Variants in GALNT17 observed in about 807,000 individuals in gnomAD.
GALNT17 encodes the protein UDP-GalNAc:polypeptide N-acetylgalactosaminyltransferase-like 3.
GALNT17 carries 29 observed loss-of-function variants against 63.7 expected under a neutral mutation model. The ratio of observed to expected loss-of-function variants is 0.46; its 90% confidence interval spans 0.34 to 0.62. GALNT17 has a LOEUF of 0.62. Among genes scored for constraint, GALNT17 ranks in the 20% least tolerant of loss-of-function variants. The probability of loss-of-function intolerance (pLI) is 0.01; values close to 1 mark genes in which losing one functional copy is unlikely to be tolerated. For synonymous variants in GALNT17, 305 were observed against 318.3 expected (o/e 0.96, Z 0.45); for missense variants, 603 against 799.6 (o/e 0.75, Z 2.97).
intron 6 of GALNT17, among the ~76,000 whole-genome samples, chr7:71,577,909 G>A (rs943789621): frequency 1.3e-5 from 2 of 152,058 alleles, no homozygotes; most frequent in Non-Finnish European, 2.9e-5. Context: ...GACCTGGGGG[G>A]TGGTTCGCAG....
chr7:71,146,508 G>A (rs552384819), intron 1 of GALNT17, among the ~76,000 whole-genome samples: 4 of 152,262 alleles, frequency 2.6e-5, no homozygotes, highest in South Asian at 2.1e-4. Flanking sequence ...ATTATCTCCC[G>A]CTTAGCAGTG....
intron 1 of GALNT17, among the ~76,000 whole-genome samples, chr7:71,226,537 G>A (rs962625784): frequency 7.9e-5 from 12 of 152,236 alleles, no homozygotes; most frequent in Admixed American, 4.6e-4. Flanking sequence ...TTTCACCCAG[G>A]CTGGAGTGCA....
At chr7:71,246,115 GTTTTT>G (rs61447370) in intron 1 of GALNT17, among the ~76,000 whole-genome samples, 1 of 91,998 alleles carries the variant, frequency 1.1e-5, no homozygotes, top group Non-Finnish European at 2.1e-5. Flanking sequence ...TTTTTTCGTT[GTTTTT>G]TTTTTTTTTT....
chr7:71,253,516 C>CTTT (rs766396594), intron 1 of GALNT17, among the ~76,000 whole-genome samples: 1 of 141,940 alleles, frequency 7.0e-6, no homozygotes, highest in Non-Finnish European at 1.5e-5. Context: ...CCTACTCTTC[C>CTTT]TTTTTTTTTT....
rs553866993 is a variant in GALNT17, at chr7:71,519,873, A to C, written c.963-51412A>C. 1.1e-3 allele frequency among the ~76,000 whole-genome samples: 166 copies of C among 152,320 alleles called. 1 individual carries two copies. The highest frequency in any genetic ancestry group is 3.8e-3 in the African/African-American group (160 of 41,568). On this transcript the variant is annotated intron_variant, in intron 5 of 10. Transcript: ENST00000333538. ...AATAATTACGATCGTTAATGTAGCTATTCAATAAAATGAATGAATGAAGTT... is the reference window on the plus strand; with the variant it reads ...AATAATTACGATCGTTAATGTAGCTCTTCAATAAAATGAATGAATGAAGTT...
chr7:71,558,350 G>A (rs1452689927), intron 5 of GALNT17, among the ~76,000 whole-genome samples: 1 of 151,742 alleles, frequency 6.6e-6, no homozygotes, highest in Non-Finnish European at 1.5e-5. Flanking sequence ...CTACTAATGA[G>A]AACATTTGAA....
At chr7:71,544,009 T>C (rs1404421965) in intron 5 of GALNT17, among the ~76,000 whole-genome samples, 7 of 152,098 alleles carry the variant, frequency 4.6e-5, no homozygotes, top group African/African-American at 1.7e-4. Flanking sequence ...GCCAGGCTGG[T>C]CTCGAACTCC....
chr7:71,402,841 G>T (rs747048471), intron 3 of GALNT17, among the ~76,000 whole-genome samples: 7 of 152,098 alleles, frequency 4.6e-5, no homozygotes, highest in African/African-American at 1.4e-4. Context: ...TTCCTGTGTC[G>T]CTGAGGCTCT....
intron 6 of GALNT17, among the ~76,000 whole-genome samples, chr7:71,622,137 A>G (rs1016821911): frequency 1.3e-5 from 2 of 152,092 alleles, no homozygotes; most frequent in African/African-American, 4.8e-5. Flanking sequence ...TTTGGAGCAC[A>G]CCTCACAGGG....
chr7:71,291,356 TC>T (rs1421839986), intron 1 of GALNT17, among the ~76,000 whole-genome samples: 1 of 152,234 alleles, frequency 6.6e-6, no homozygotes, highest in Non-Finnish European at 1.5e-5. Context: ...CTTGTTACAT[TC>T]CTATTCTTCC....
At chr7:71,626,539 A>C (rs1442854352) in intron 6 of GALNT17, among the ~76,000 whole-genome samples, 1 of 152,102 alleles carries the variant, frequency 6.6e-6, no homozygotes, top group Admixed American at 6.5e-5. Flanking sequence ...ACTCAGGCTT[A>C]CCTCTTTGTT....
chr7:71,471,700 A>G (rs1787635467), intron 5 of GALNT17, among the ~76,000 whole-genome samples: 1 of 152,112 alleles, frequency 6.6e-6, no homozygotes, highest in Non-Finnish European at 1.5e-5. Flanking sequence ...AATCTCTTTT[A>G]GCAAACAAGA....
chr7:71,247,687 C>G (rs1260497814), intron 1 of GALNT17, among the ~76,000 whole-genome samples: 1 of 151,990 alleles, frequency 6.6e-6, no homozygotes, highest in Non-Finnish European at 1.5e-5. Context: ...GAACTCCTGA[C>G]CTCAGGTGAT....
At chr7:71,210,659 C>T (rs7807224) in intron 1 of GALNT17, among the ~76,000 whole-genome samples, 25,101 of 152,146 alleles carry the variant, frequency 0.16, 3,574 homozygotes, top group African/African-American at 0.38. Flanking sequence ...CTTTTAGTGA[C>T]AGTGCAGTGG....
intron 1 of GALNT17, among the ~76,000 whole-genome samples, chr7:71,290,492 A>G (rs1263239509): frequency 6.6e-6 from 1 of 152,122 alleles, no homozygotes; most frequent in Non-Finnish European, 1.5e-5. Context: ...GAGGGAGAAT[A>G]GATGGCCCGG....
At chr7:71,703,193 A>G (rs1791676677) in intron 9 of GALNT17, among the ~76,000 whole-genome samples, 1 of 152,252 alleles carries the variant, frequency 6.6e-6, no homozygotes, top group South Asian at 2.1e-4. Context: ...TATAATTTAT[A>G]GATCCTGGTT....
intron 1 of GALNT17, among the ~76,000 whole-genome samples, chr7:71,255,260 G>A (rs1021480699): frequency 2.6e-5 from 4 of 152,148 alleles, no homozygotes; most frequent in Non-Finnish European, 5.9e-5. Context: ...GGTCTTTCTC[G>A]TGCTGTTCTC....
chr7:71,664,849 A>G (rs1249949877), intron 6 of GALNT17, among the ~76,000 whole-genome samples: 1 of 152,090 alleles, frequency 6.6e-6, no homozygotes, highest in Non-Finnish European at 1.5e-5. Context: ...CTAGAGGTGG[A>G]TTTTATATCC....
chr7:71,608,387 G>C (rs1264605361), intron 6 of GALNT17, among the ~76,000 whole-genome samples: 3 of 152,152 alleles, frequency 2.0e-5, no homozygotes, highest in Admixed American at 6.5e-5. Flanking sequence ...ACAGGACTTG[G>C]GTTGGGATGG....
Sources: allele counts gnomAD v4.1 joint callset (sites outside exome capture counted in the v4.1 genomes callset), GRCh38; gene constraint gnomAD v4.1.1; transcripts MANE v1.5; gene names NCBI Gene and HGNC (gene_info 2026-07-23, HGNC 2026-07-21).